The following PLPPR4 variants were observed in gnomAD, a reference collection of about 807,000 sequenced individuals.
PLPPR4 encodes the protein phospholipid phosphatase related 4.
A neutral mutation model predicts 56.6 loss-of-function variants in PLPPR4; 24 were observed. The observed-to-expected ratio is 0.42, with a 90% CI of 0.31 to 0.60. The LOEUF (loss-of-function observed/expected upper bound fraction) is 0.60. Ranked by LOEUF, PLPPR4 falls within the 20% of genes least tolerant of loss-of-function variation. PLPPR4 has a pLI of 0.13. For synonymous variants in PLPPR4, 326 were observed against 328.1 expected (o/e 0.99, Z 0.07); for missense variants, 654 against 885.8 (o/e 0.74, Z 3.32).
At chr1:99,277,723 A>C (rs984872268) in intron 1 of PLPPR4, among the ~76,000 whole-genome samples, 2 of 151,664 alleles carry the variant, frequency 1.3e-5, no homozygotes, top group Admixed American at 1.3e-4. Context: ...GGTTCTTTTC[A>C]AACTGATATC....
chr1:99,294,413 T>C (rs1183851696), intron 2 of PLPPR4, among the ~76,000 whole-genome samples: 1 of 150,176 alleles, frequency 6.7e-6, no homozygotes, highest in African/African-American at 2.5e-5. Flanking sequence ...ATAAAACTCT[T>C]GGCCGGGCGC....
At position 99,304,012 on chromosome 1, in the gene PLPPR4, C is replaced by T. The variant is rs543923480; in HGVS notation, c.823-1673C>T. Among the ~76,000 whole-genome samples the T allele has an allele frequency of 7.0e-4, 107 of 152,282 alleles. No homozygotes were observed. The Middle Eastern group carries it at 0.01, about 15-fold the overall frequency. On this transcript the variant is annotated intron_variant, in intron 6 of 6. Coordinates refer to ENST00000370185, the MANE Select transcript of PLPPR4 (RefSeq NM_014839.5). ...GGATTTGGTTATGAATCCAAATTTT[C>T]CTCCACTTAGCCAAGTTACACAGCT...
At position 99,266,667 on chromosome 1, in the gene PLPPR4, T is replaced by C. The variant is rs533405612; in HGVS notation, c.78+1996T>C. 2.6e-5 allele frequency among the ~76,000 whole-genome samples: 4 copies of C among 152,324 alleles called. No homozygotes were observed. In the South Asian group the frequency reaches 8.3e-4, roughly 32 times the overall value. ...AGAACAATTACTTGAACACAATTCA[T>C]GGAGTTTAAATGAGCATTGATGACA... On this transcript the variant is annotated intron_variant, in intron 1 of 6. Coordinates refer to ENST00000370185, the MANE Select transcript of PLPPR4 (RefSeq NM_014839.5).
At chr1:99,272,671 A>C (rs1385999237) in intron 1 of PLPPR4, among the ~76,000 whole-genome samples, 2 of 152,126 alleles carry the variant, frequency 1.3e-5, no homozygotes, top group Non-Finnish European at 2.9e-5. Flanking sequence ...CTAAGTGCCC[A>C]CCTGTAATTT....
chr1:99,283,588 T>G (rs1167552592), intron 1 of PLPPR4, among the ~76,000 whole-genome samples: 2 of 152,296 alleles, frequency 1.3e-5, no homozygotes, highest in Admixed American at 1.3e-4. Flanking sequence ...GAATCAGTCT[T>G]TTCCTTTTGA....
rs191590584 is a variant in PLPPR4, at chr1:99,282,460, C to G, written c.79-5505C>G. ...GTTTGGTTTACTGCTACATTCCTTA[C>G]ACTTAGAGAAGTACCCGATGCCTAC... On this transcript the variant is annotated intron_variant, in intron 1 of 6. Transcript: ENST00000370185. Among the ~76,000 whole-genome samples, 324 of 152,288 alleles carry G rather than the reference C, an allele frequency of 2.1e-3. 4 individuals are homozygous for G. The Middle Eastern group carries it at 0.024, about 11-fold the overall frequency.
chr1:99,282,409 C>T (rs923384278), intron 1 of PLPPR4, among the ~76,000 whole-genome samples: 3 of 152,174 alleles, frequency 2.0e-5, no homozygotes, highest in African/African-American at 7.2e-5. Flanking sequence ...AGAATGTAAA[C>T]TCTGTGAATG....
In PLPPR4 at chr1:99,296,863, C is replaced by T. The variant is rs778961383; in HGVS notation, c.390C>T (p.Phe130=). Residue 130 remains phenylalanine (F), a synonymous_variant, in exon 3 of 7, where the codon TTC becomes TTT. Coordinates refer to ENST00000370185, the MANE Select transcript of PLPPR4 (RefSeq NM_014839.5). The part of the protein sequence containing the change: ...FNSFLRRAVR[F]VGVHVFGLCS... ...CCTTCCTCAGACGAGCTGTCAGATT[C>T]GTTGGTGGGTGTGGGGAACCACAAA... is the stretch of plus-strand genomic sequence containing the variant. 6 of 1,573,324 alleles carry T rather than the reference C, an allele frequency of 3.8e-6. No homozygotes were observed. Among genetic ancestry groups the T allele is most frequent in the South Asian group, 2.4e-5 (2 of 84,160 alleles).
intron 1 of PLPPR4, among the ~76,000 whole-genome samples, chr1:99,264,896 G>C (rs935092984): frequency 2.6e-5 from 4 of 152,196 alleles, no homozygotes. Context: ...TCGCTGCTGG[G>C]TGGCCTGCAG....
chr1:99,284,668 A>C, intron 1 of PLPPR4, among the ~76,000 whole-genome samples: 1 of 151,858 alleles, frequency 6.6e-6, no homozygotes. Flanking sequence ...TATATGGAAA[A>C]TTATATAATT....
chr1:99,282,136 T>C (rs1659344672), intron 1 of PLPPR4, among the ~76,000 whole-genome samples: 1 of 152,174 alleles, frequency 6.6e-6, no homozygotes, highest in Non-Finnish European at 1.5e-5. Context: ...TTTAATATTT[T>C]CAAAACAGAA....
Position 99,306,947 on chromosome 1 carries a change from C to G in PLPPR4, c.2085C>G (p.Ser695Arg), listed in dbSNP as rs1195140076. 2 of 1,613,436 alleles carry G rather than the reference C, an allele frequency of 1.2e-6. No homozygotes were observed. The highest frequency in any genetic ancestry group is 1.7e-5 in the Admixed American group (1 of 60,016). Residue 695 changes from serine (S) to arginine (R), a missense_variant, in exon 7 of 7, where the codon AGC (serine) becomes AGG (arginine). By Grantham distance (110) the Ser-to-Arg change is moderately radical. Transcript: ENST00000370185. This position sits in a 1 kb window ranked among gnomAD's most constrained non-coding sequence, Gnocchi z 4.0. ...TTCTAATCCCTGAAAGAAGCAACAG[C>G]CCCGAAAACACTAGAAATATCTTCT... ...NIILIPERSN[S>R]PENTRNIFYK...
intron 6 of PLPPR4, among the ~76,000 whole-genome samples, chr1:99,302,099 AT>A (rs1215497940): frequency 6.6e-6 from 1 of 152,080 alleles, no homozygotes. Flanking sequence ...AGAAATTGTA[AT>A]TTTAGAAAGA....
At chr1:99,283,180 T>A (rs999653931) in intron 1 of PLPPR4, among the ~76,000 whole-genome samples, 2 of 152,002 alleles carry the variant, frequency 1.3e-5, no homozygotes, top group African/African-American at 2.4e-5. Flanking sequence ...ACCATGCATA[T>A]AAATTGGCCC....
chr1:99,300,573 A>G (rs1454906579), intron 4 of PLPPR4, among the ~76,000 whole-genome samples: 1 of 152,092 alleles, frequency 6.6e-6, no homozygotes, highest in African/African-American at 2.4e-5. Context: ...GCTGTTACTT[A>G]GAACTGGTAT....
intron 1 of PLPPR4, among the ~76,000 whole-genome samples, chr1:99,287,682 C>T (rs941258861): frequency 1.3e-5 from 2 of 151,842 alleles, no homozygotes; most frequent in African/African-American, 4.8e-5. Context: ...TCTACAAGAC[C>T]CTTTGGAATG....
At chr1:99,302,705 C>A (rs1361278716) in intron 6 of PLPPR4, among the ~76,000 whole-genome samples, 1 of 136,412 alleles carries the variant, frequency 7.3e-6, no homozygotes, top group Non-Finnish European at 1.5e-5. Flanking sequence ...TGATGTTCCC[C>A]TTCCTGTGTC....
intron 4 of PLPPR4, 34 bp from the exon 5 acceptor site, chr1:99,300,875 T>C (rs747618462): frequency 1.3e-6 from 2 of 1,554,376 alleles, no homozygotes; most frequent in East Asian, 4.5e-5. Flanking sequence ...GTATCTGAAC[T>C]ACAAGGCATA....
chr1:99,274,491 G>GAT (rs1243077461), intron 1 of PLPPR4, among the ~76,000 whole-genome samples: 1 of 152,066 alleles, frequency 6.6e-6, no homozygotes, highest in Admixed American at 6.6e-5. Context: ...TGGTTCTCCT[G>GAT]ATTGTTTTTT....
Sources: gnomAD v4.1 joint callset for allele counts (sites outside exome capture counted in the v4.1 genomes callset) on GRCh38, gnomAD v4.1.1 for gene constraint, Gnocchi (gnomAD v3.1) non-coding constraint, MANE v1.5 for transcripts, NCBI Gene and HGNC (gene_info 2026-07-23, HGNC 2026-07-21) for gene names.